LMX1B: variants seen among roughly 807,000 people sequenced by gnomAD.
LMX1B encodes LIM homeobox transcription factor 1 beta.
A neutral mutation model predicts 51.4 loss-of-function variants in LMX1B; 12 were observed. That is an observed-to-expected ratio of 0.23 (90% CI 0.15 to 0.38). The LOEUF (loss-of-function observed/expected upper bound fraction) is 0.38. Among genes scored for constraint, LMX1B ranks in the 10% least tolerant of loss-of-function variants. The probability of loss-of-function intolerance (pLI) is 1.00; values close to 1 mark genes in which losing one functional copy is unlikely to be tolerated. For synonymous variants in LMX1B, 237 were observed against 235.4 expected (o/e 1.01, Z -0.06); for missense variants, 445 against 571.1 (o/e 0.78, Z 2.25).
At chr9:126,665,579 G>C (rs1319128150) in intron 2 of LMX1B, among the ~76,000 whole-genome samples, 1 of 152,140 alleles carries the variant, frequency 6.6e-6, no homozygotes, top group South Asian at 2.1e-4. Flanking sequence ...AAGCGCCTCC[G>C]GTGTTCCTTC....
At chr9:126,682,307 C>T (rs547244213) in intron 2 of LMX1B, among the ~76,000 whole-genome samples, 2 of 152,048 alleles carry the variant, frequency 1.3e-5, no homozygotes, top group South Asian at 2.1e-4. Context: ...CCCCAGGTGT[C>T]GGCTGGAATG....
intron 2 of LMX1B, among the ~76,000 whole-genome samples, chr9:126,652,765 T>G (rs953774223): frequency 6.6e-6 from 1 of 152,198 alleles, no homozygotes; most frequent in African/African-American, 2.4e-5. Context: ...CAGAGTGAAG[T>G]ACCTGGAGCC....
intron 1 of LMX1B, 41 bp downstream of exon 1, chr9:126,614,629 G>A: frequency 6.7e-7 from 1 of 1,490,362 alleles, no homozygotes; most frequent in Non-Finnish European, 9.0e-7. Context: ...CTCGGGCGTG[G>A]GATGGGGCGT....
Position 126,696,395 on chromosome 9 carries a change from G to A in LMX1B, c.1153G>A (p.Val385Met), listed in dbSNP as rs750526845. The A allele has an allele frequency of 2.0e-5, 33 of 1,613,948 alleles. No homozygotes were observed. Among genetic ancestry groups the A allele is most frequent in the Non-Finnish European group, 2.5e-5 (30 of 1,179,990 alleles). ...SSDVGSLQAR[V>M]GNPIDRLYSM... ...AGACGTGGGCTCCCTGCAGGCCCGC[G>A]TGGGGAACCCCATCGACCGGCTCTA... Residue 385 changes from valine (V) to methionine (M), a missense_variant, in exon 8 of 8, where the codon GTG becomes ATG. By Grantham distance (21) the Val-to-Met change is conservative. Around this residue, in one of 3 missense-constraint regions of LMX1B, gnomAD observed 162 missense variants for 187.8 expected, o/e 0.86. Coordinates refer to ENST00000373474, the MANE Select transcript of LMX1B (RefSeq NM_001174147.2).
chr9:126,654,302 G>T (rs1168598301), intron 2 of LMX1B, among the ~76,000 whole-genome samples: 1 of 152,184 alleles, frequency 6.6e-6, no homozygotes, highest in Non-Finnish European at 1.5e-5. Flanking sequence ...GGCTCCCACA[G>T]ACCCCCATGC....
At chr9:126,639,459 T>TGGGCTC (rs1411925619) in intron 2 of LMX1B, among the ~76,000 whole-genome samples, 2 of 152,240 alleles carry the variant, frequency 1.3e-5, no homozygotes, top group Non-Finnish European at 2.9e-5. Context: ...TAAGCTCCAC[T>TGGGCTC]GGGCTCGGGC....
intron 2 of LMX1B, among the ~76,000 whole-genome samples, chr9:126,632,289 G>A (rs1045865924): frequency 3.3e-5 from 5 of 152,132 alleles, no homozygotes; most frequent in African/African-American, 1.2e-4. Context: ...GCCAGCTTAC[G>A]CCAGGCAGGT....
intron 2 of LMX1B, among the ~76,000 whole-genome samples, chr9:126,678,102 G>A (rs1273522112): frequency 6.6e-6 from 1 of 152,112 alleles, no homozygotes; most frequent in African/African-American, 2.4e-5. Flanking sequence ...CTTGAGGTTG[G>A]GAGTTTGAGA....
chr9:126,632,839 C>T (rs1407041655), intron 2 of LMX1B, among the ~76,000 whole-genome samples: 1 of 152,220 alleles, frequency 6.6e-6, no homozygotes, highest in Non-Finnish European at 1.5e-5. Flanking sequence ...TGTGCAGCCC[C>T]ACTGGGCCCC....
intron 2 of LMX1B, among the ~76,000 whole-genome samples, chr9:126,687,540 A>G (rs2029949312): frequency 6.6e-6 from 1 of 152,070 alleles, no homozygotes; most frequent in African/African-American, 2.4e-5. Flanking sequence ...GATCATTCCC[A>G]TTTTATAGAT....
At chr9:126,629,916 C>T (rs1835603109) in intron 2 of LMX1B, among the ~76,000 whole-genome samples, 3 of 151,630 alleles carry the variant, frequency 2.0e-5, no homozygotes, top group South Asian at 2.1e-4. Flanking sequence ...GAGACCAAGG[C>T]GGGTGGATCA....
At chr9:126,672,052 G>A (rs1321021447) in intron 2 of LMX1B, among the ~76,000 whole-genome samples, 3 of 152,368 alleles carry the variant, frequency 2.0e-5, no homozygotes, top group Admixed American at 2.0e-4. Flanking sequence ...CCTTCCAAGG[G>A]GTCAGTGGAT....
chr9:126,649,044 T>C (rs1219124423), intron 2 of LMX1B, among the ~76,000 whole-genome samples: 1 of 152,054 alleles, frequency 6.6e-6, no homozygotes, highest in East Asian at 1.9e-4. Context: ...GCACCTACCA[T>C]CTTCCCAGGT....
chr9:126,644,098 T>C (rs927934818), intron 2 of LMX1B, among the ~76,000 whole-genome samples: 1 of 151,846 alleles, frequency 6.6e-6, no homozygotes, highest in African/African-American at 2.4e-5. Flanking sequence ...GGAGGCCAGG[T>C]GGGAGTCATC....
intron 2 of LMX1B, among the ~76,000 whole-genome samples, chr9:126,665,767 T>A (rs1836331971): frequency 1.3e-5 from 2 of 152,290 alleles, no homozygotes; most frequent in Non-Finnish European, 2.9e-5. Context: ...ACCCCCCGGG[T>A]AGCCCGCTAC....
At chr9:126,634,155 G>A (rs10760444) in intron 2 of LMX1B, among the ~76,000 whole-genome samples, 77,525 of 152,000 alleles carry the variant, frequency 0.51, 20,035 homozygotes, top group Non-Finnish European at 0.57. Context: ...GAGCAAGATA[G>A]TCCCAGCCTG....
chr9:126,684,417 C>G (rs1836736237), intron 2 of LMX1B, among the ~76,000 whole-genome samples: 1 of 152,212 alleles, frequency 6.6e-6, no homozygotes, highest in Non-Finnish European at 1.5e-5. Context: ...GTGCCAGACG[C>G]TGGGCCATGC....
chr9:126,681,653 C>T (rs989297725), intron 2 of LMX1B, among the ~76,000 whole-genome samples: 1 of 152,114 alleles, frequency 6.6e-6, no homozygotes, highest in African/African-American at 2.4e-5. Flanking sequence ...GTAATTCCAA[C>T]ACTTTGGGAG....
Position 126,618,725 on chromosome 9 carries a change from C to A in LMX1B, c.326+3156C>A, listed in dbSNP as rs1352555553. Reference sequence around the variant, plus strand: ...AGAATTATGTAACTCTCTTTTCTTGCCGTCTGTCGCTCGTCTGGAAAGGGT... The same window carrying A: ...AGAATTATGTAACTCTCTTTTCTTGACGTCTGTCGCTCGTCTGGAAAGGGT... On this transcript the variant is annotated intron_variant, in intron 2 of 7. Transcript: ENST00000373474. This position sits in a 1 kb window ranked among gnomAD's most constrained non-coding sequence, Gnocchi z 4.5. 6.6e-6 allele frequency among the ~76,000 whole-genome samples: 1 copy of A among 152,166 alleles called. No homozygotes were observed. The highest frequency in any genetic ancestry group is 1.5e-5 in the Non-Finnish European group (1 of 68,040).
Sources: gnomAD v4.1 joint callset for allele counts (sites outside exome capture counted in the v4.1 genomes callset) on GRCh38, gnomAD v4.1.1 for gene constraint, gnomAD v4.1.1 regional missense constraint, Gnocchi (gnomAD v3.1) non-coding constraint, MANE v1.5 for transcripts, NCBI Gene and HGNC (gene_info 2026-07-23, HGNC 2026-07-21) for gene names.